DPY19L4: variants seen among roughly 807,000 people sequenced by gnomAD.
DPY19L4 encodes the protein dpy-19 like 4.
A neutral mutation model predicts 102.8 loss-of-function variants in DPY19L4; 97 were observed. That is an observed-to-expected ratio of 0.94 (90% CI 0.80 to 1.12). The LOEUF is 1.12. Ranked by LOEUF, DPY19L4 falls within the 50% of genes most tolerant of loss-of-function variation. The pLI is 0.00. For synonymous variants in DPY19L4, 252 were observed against 283.1 expected (o/e 0.89, Z 1.10); for missense variants, 815 against 850.4 (o/e 0.96, Z 0.52).
At chr8:94,748,647 T>C (rs1166885804) in intron 6 of DPY19L4, among the ~76,000 whole-genome samples, 1 of 152,042 alleles carries the variant, frequency 6.6e-6, no homozygotes, top group Non-Finnish European at 1.5e-5. Flanking sequence ...ACGATGATGA[T>C]GATGATGACA....
Position 94,783,650 on chromosome 8 carries a change from A to G in DPY19L4, c.1716-20A>G, listed in dbSNP as rs781109659. The G allele has an allele frequency of 2.7e-5, 44 of 1,611,410 alleles. No individual in the cohort carries two copies. The East Asian group carries it at 9.8e-4, about 36-fold the overall frequency. ...GTATACTTGCCTTTTCAGTGTGCAAATCTTTATGGTTCTTTGCAGAAGGCA... is the reference window on the plus strand; with the variant it reads ...GTATACTTGCCTTTTCAGTGTGCAAGTCTTTATGGTTCTTTGCAGAAGGCA... On this transcript the variant is annotated intron_variant, in intron 16 of 18. Transcript: ENST00000414645.
Position 94,734,690 on chromosome 8 carries a change from G to A in DPY19L4, c.188G>A (p.Gly63Asp), listed in dbSNP as rs200296667. Residue 63 changes from glycine to aspartate, a missense_variant, in exon 3 of 19, where the codon GGT becomes GAT. Coordinates refer to ENST00000414645, the MANE Select transcript of DPY19L4 (RefSeq NM_181787.3). The stretch of plus-strand genomic sequence containing the variant: ...GGCTGTCTTGCAGCGGTTACTAGTG[G>A]TATGATGTATGCTCTCTACTTATCA... ...FIGCLAAVTS[G>D]MMYALYLSAY... is the part of the protein sequence containing the mutation. The A allele has an allele frequency of 5.0e-6, 8 of 1,614,008 alleles. No individual in the cohort carries two copies. The highest frequency in any genetic ancestry group is 4.0e-5 in the African/African-American group (3 of 75,026).
chr8:94,738,530 T>C lies in DPY19L4; in HGVS notation c.343+71T>C, dbSNP rs189908576. The C allele has an allele frequency of 2.2e-4, 182 of 845,960 alleles. 2 individuals are homozygous for C. In the Admixed American group the frequency reaches 5.8e-3, roughly 27 times the overall value. The allele number at this position is 845,960 out of a possible 1,614,324, so 52.4% of individuals were successfully genotyped here. On this transcript the variant is annotated intron_variant, in intron 4 of 18. Coordinates refer to ENST00000414645, the MANE Select transcript of DPY19L4 (RefSeq NM_181787.3). ...TCTTTTCTTTTCTTTTTTTTTTTTT[T>C]CCGAGACGGAGTCTTGCTCTGTCAC...
chr8:94,736,066 C>T (rs112342832), intron 3 of DPY19L4, among the ~76,000 whole-genome samples: 1 of 152,264 alleles, frequency 6.6e-6, no homozygotes, highest in East Asian at 1.9e-4. Flanking sequence ...AAGGCATGGG[C>T]AGATTTGGTG....
intron 7 of DPY19L4, among the ~76,000 whole-genome samples, chr8:94,760,342 G>A (rs953769689): frequency 6.6e-6 from 1 of 152,158 alleles, no homozygotes; most frequent in Non-Finnish European, 1.5e-5. Context: ...GATGGTGTCT[G>A]GTTATTACAG....
In DPY19L4 at chr8:94,789,737, T is replaced by C; in HGVS notation, c.2008-9T>C. Reference sequence around the variant, plus strand: ...GCTTTTTAATATTATGTTTTATATCTTTTAATAGATGGTTTGTGAAGAAGG... The same window carrying C: ...GCTTTTTAATATTATGTTTTATATCCTTTAATAGATGGTTTGTGAAGAAGG... On this transcript the variant is annotated splice_polypyrimidine_tract_variant and intron_variant, in intron 18 of 18. Coordinates refer to ENST00000414645, the MANE Select transcript of DPY19L4 (RefSeq NM_181787.3). 1.3e-6 allele frequency: 2 copies of C among 1,586,230 alleles called. No individual in the cohort carries two copies. Among genetic ancestry groups the C allele is most frequent in the Non-Finnish European group, 1.7e-6 (2 of 1,168,714 alleles).
At chr8:94,770,324 C>A in intron 12 of DPY19L4, 128 bp from the exon 13 acceptor site, 1 of 1,001,954 alleles carries the variant, frequency 1.0e-6, no homozygotes. Flanking sequence ...TTTAAAAGAT[C>A]ACCTATATTT....
chr8:94,761,643 A>G (rs1812396352), intron 7 of DPY19L4, 57 bp from the exon 8 acceptor site: 2 of 1,438,964 alleles, frequency 1.4e-6, no homozygotes, highest in Non-Finnish European at 1.8e-6. Context: ...ACAGTCTCAT[A>G]GGCTTTTATT....
rs1237519190 is a variant in DPY19L4, at chr8:94,761,794, T to C, written c.830T>C (p.Leu277Pro). 6.2e-7 allele frequency: 1 copy of C among 1,611,744 alleles called. No individual in the cohort carries two copies. Among genetic ancestry groups the C allele is most frequent in the East Asian group, 2.2e-5 (1 of 44,744 alleles). The change falls in exon 8 of 19, where the codon CTA becomes CCA. Residue 277 changes from leucine to proline, a missense_variant. Physicochemically the swap from Leu to Pro is moderately conservative, Grantham distance 98. Transcript: ENST00000414645. ...HYLLFLQAIS[L>P]FLLDTFSVEQ... ...CTCCTGTTTCTTCAAGCAATATCTC[T>C]ATTCCTGCTAGATACCTTTTCAGTG... is the stretch of plus-strand genomic sequence containing the variant.
intron 4 of DPY19L4, 30 bp from the exon 5 acceptor site, chr8:94,739,383 T>C (rs769013179): frequency 1.3e-6 from 2 of 1,527,102 alleles, no homozygotes; most frequent in South Asian, 2.7e-5. Context: ...GCAGAATAAA[T>C]AATCTGGAGA....
chr8:94,724,175 C>T (rs1283490442), intron 1 of DPY19L4, among the ~76,000 whole-genome samples: 1 of 152,218 alleles, frequency 6.6e-6, no homozygotes, highest in Non-Finnish European at 1.5e-5. Context: ...AAAAGACCCA[C>T]CTACCTAGCC....
Position 94,738,441 on chromosome 8 carries a change from G to A in DPY19L4, c.325G>A (p.Ala109Thr), listed in dbSNP as rs200781402. 4.8e-5 allele frequency: 75 copies of A among 1,550,584 alleles called. No homozygotes were observed. The African/African-American group carries it at 7.8e-4, about 16-fold the overall frequency. ...YYSYYKDMLK[A>T]PSFERGVYEL... ...CTCCTATTATAAAGATATGTTAAAG[G>A]CACCTTCATTTGAAAGAGGTATGAT... is the stretch of plus-strand genomic sequence containing the variant. Residue 109 changes from alanine (A) to threonine (T), a missense_variant, in exon 4 of 19, where the codon GCA becomes ACA. Coordinates refer to ENST00000414645, the MANE Select transcript of DPY19L4 (RefSeq NM_181787.3).
At chr8:94,739,850 C>A in intron 6 of DPY19L4, 60 bp downstream of exon 6, 8 of 1,571,126 alleles carry the variant, frequency 5.1e-6, no homozygotes, top group Non-Finnish European at 6.9e-6. Context: ...AGTCAGAGTT[C>A]TGAAAATGCC....
rs1811342323 is a variant in DPY19L4 at position 94,739,512 on chromosome 8, T to C, written c.443T>C (p.Leu148Ser). The change falls in exon 5 of 19, where the codon TTA becomes TCA. Residue 148 changes from leucine (L) to serine (S), a missense_variant. Leu to Ser is a moderately radical substitution (Grantham distance 145). Coordinates refer to ENST00000414645, the MANE Select transcript of DPY19L4 (RefSeq NM_181787.3). ...TATCCGGAACTTATTGCTAGCATTT[T>C]ATATCAAGCCACTGGTAGCAATGTA... Reference protein sequence around the residue: ...SLYPELIASILYQATGSNEII... With the variant: ...SLYPELIASISYQATGSNEII... 1 of 1,607,048 alleles carries C rather than the reference T, an allele frequency of 6.2e-7. No homozygotes were observed. The highest frequency in any genetic ancestry group is 1.7e-5 in the Admixed American group (1 of 57,990).
intron 6 of DPY19L4, among the ~76,000 whole-genome samples, chr8:94,750,928 G>A (rs368152225): frequency 3.3e-5 from 5 of 151,148 alleles, no homozygotes; most frequent in African/African-American, 4.9e-5. Flanking sequence ...GGTTATAGAC[G>A]TGCCACCATG....
chr8:94,747,554 CTTT>C (rs1012621845), intron 6 of DPY19L4, among the ~76,000 whole-genome samples: 3 of 105,498 alleles, frequency 2.8e-5, no homozygotes, highest in Non-Finnish European at 5.8e-5. Flanking sequence ...TATGATGGTT[CTTT>C]TTTTTTTTTT....
At chr8:94,759,401 G>T (rs1812304820) in intron 7 of DPY19L4, among the ~76,000 whole-genome samples, 1 of 150,970 alleles carries the variant, frequency 6.6e-6, no homozygotes, top group African/African-American at 2.4e-5. Flanking sequence ...AGACAGAAAA[G>T]TTCTCCAAGT....
At chr8:94,772,580 C>T (rs1009693748) in intron 13 of DPY19L4, among the ~76,000 whole-genome samples, 5 of 152,218 alleles carry the variant, frequency 3.3e-5, no homozygotes, top group Non-Finnish European at 5.9e-5. Flanking sequence ...ACAGTACACA[C>T]GGAGTACTGT....
chr8:94,766,768 T>C, intron 11 of DPY19L4, 83 bp downstream of exon 11: 1 of 1,267,918 alleles, frequency 7.9e-7, no homozygotes, highest in African/African-American at 1.5e-5. Context: ...CCGGGCATAG[T>C]GGCTCACATC....
Sources: gnomAD v4.1 joint callset for allele counts (sites outside exome capture counted in the v4.1 genomes callset) on GRCh38, gnomAD v4.1.1 for gene constraint, MANE v1.5 for transcripts, NCBI Gene and HGNC (gene_info 2026-07-23, HGNC 2026-07-21) for gene names.